The following PRKCQ variants were observed in gnomAD, a reference collection of about 807,000 sequenced individuals.
PRKCQ encodes protein kinase C theta.
Under a neutral mutation model 91.2 loss-of-function variants are expected in PRKCQ, and 41 were observed. The observed-to-expected ratio is 0.45, with a 90% CI of 0.35 to 0.58. The LOEUF (loss-of-function observed/expected upper bound fraction) is 0.58. Ranked by LOEUF, PRKCQ falls within the 20% of genes least tolerant of loss-of-function variation. The pLI, the probability that PRKCQ is intolerant of heterozygous loss-of-function variation, is 0.00. For synonymous variants in PRKCQ, 307 were observed against 316.9 expected (o/e 0.97, Z 0.33); for missense variants, 673 against 896.5 (o/e 0.75, Z 3.18).
chr10:6,537,029 G>A (rs1839608784), intron 1 of PRKCQ, among the ~76,000 whole-genome samples: 1 of 152,178 alleles, frequency 6.6e-6, no homozygotes. Context: ...GCTGACGATG[G>A]AACAATTTGA....
At position 6,497,847 on chromosome 10, in the gene PRKCQ, A is replaced by T. The variant is rs546874063; in HGVS notation, c.542+549T>A. Among the ~76,000 whole-genome samples, 4 of 152,362 alleles carry T rather than the reference A, an allele frequency of 2.6e-5. No homozygotes were observed. In the East Asian group the frequency reaches 7.7e-4, roughly 29 times the overall value. On this transcript the variant is annotated intron_variant, in intron 5 of 17. Coordinates refer to ENST00000263125, the MANE Select transcript of PRKCQ (RefSeq NM_006257.5). This position sits in a 1 kb window ranked among gnomAD's most constrained non-coding sequence, Gnocchi z 4.5. Reference sequence around the variant, plus strand: ...TCTGCAGTAGCCTAAAGGGAAGAGTATCCCTTAATAGGCTAGGATGCTGAG... The same window carrying T: ...TCTGCAGTAGCCTAAAGGGAAGAGTTTCCCTTAATAGGCTAGGATGCTGAG...
In PRKCQ at chr10:6,518,210, A is replaced by G. The variant is rs201304744; in HGVS notation, c.-9-3066T>C. 2.0e-4 allele frequency among the ~76,000 whole-genome samples: 31 copies of G among 152,342 alleles called. No homozygotes were observed. The East Asian group carries it at 4.4e-3, about 22-fold the overall frequency. The stretch of plus-strand genomic sequence containing the variant: ...ATTCAAAAACCAAAAGAAAAGAAAT[A>G]TATGCAATTGGTATTTTAAGGCATG... On this transcript the variant is annotated intron_variant, in intron 1 of 17. Transcript: ENST00000263125.
intron 12 of PRKCQ, among the ~76,000 whole-genome samples, chr10:6,474,207 T>C (rs1367660349): frequency 6.6e-6 from 1 of 152,198 alleles, no homozygotes; most frequent in Non-Finnish European, 1.5e-5. Context: ...TCAAGGGCAG[T>C]GATGTGAATC....
At chr10:6,394,592 G>A in the PRKCQ span, among the ~76,000 whole-genome samples, 3 of 152,178 alleles carry the variant, frequency 2.0e-5, no homozygotes, top group East Asian at 1.9e-4. Context: ...CAGGGGCACC[G>A]GCTTTCTCAG....
chr10:6,485,877 G>A (rs1430083628), intron 9 of PRKCQ, among the ~76,000 whole-genome samples, 158 bp downstream of exon 9: 1 of 152,190 alleles, frequency 6.6e-6, no homozygotes, highest in Non-Finnish European at 1.5e-5. Context: ...TCAAAGATAG[G>A]GGGTGTGGGC....
chr10:6,524,740 G>A (rs1839135243), intron 1 of PRKCQ, among the ~76,000 whole-genome samples: 2 of 152,230 alleles, frequency 1.3e-5, no homozygotes, highest in Admixed American at 1.3e-4. Flanking sequence ...GAAGAAGGGA[G>A]AAAAGTGGGT....
At chr10:6,443,995 G>A (rs1834104598) in intron 15 of PRKCQ, among the ~76,000 whole-genome samples, 1 of 152,132 alleles carries the variant, frequency 6.6e-6, no homozygotes, top group Non-Finnish European at 1.5e-5. Context: ...GGTATTTAAT[G>A]GGGACAGAGT....
intron 4 of PRKCQ, among the ~76,000 whole-genome samples, chr10:6,503,050 T>A (rs1838004985): frequency 6.6e-6 from 1 of 151,958 alleles, no homozygotes; most frequent in South Asian, 2.1e-4. Flanking sequence ...CCGGGGAGAA[T>A]GAGAGGGGAG....
At chr10:6,444,997 G>A (rs1030954706) in intron 15 of PRKCQ, among the ~76,000 whole-genome samples, 3 of 151,994 alleles carry the variant, frequency 2.0e-5, no homozygotes, top group South Asian at 2.1e-4. Context: ...GGTGGCGCAC[G>A]CCTGTAATCC....
At chr10:6,508,246 AATCT>A (rs1838298093) in intron 3 of PRKCQ, among the ~76,000 whole-genome samples, 1 of 152,154 alleles carries the variant, frequency 6.6e-6, no homozygotes, top group African/African-American at 2.4e-5. Flanking sequence ...CGCTGTTGTT[AATCT>A]ATTAAACCAT....
chr10:6,536,335 T>C (rs1440770937), intron 1 of PRKCQ, among the ~76,000 whole-genome samples: 3 of 152,172 alleles, frequency 2.0e-5, no homozygotes, highest in Non-Finnish European at 4.4e-5. Flanking sequence ...GGCAGTGACC[T>C]TGGCGATGAC....
chr10:6,404,250 G>T, the PRKCQ span, among the ~76,000 whole-genome samples: 3 of 90,680 alleles, frequency 3.3e-5, no homozygotes, highest in African/African-American at 8.9e-5. Flanking sequence ...GGAGAGAAGG[G>T]GGGGGGAGAG....
rs777027533 is a variant in PRKCQ at position 6,430,429 on chromosome 10, G to C, written c.1965+381C>G. Among the ~76,000 whole-genome samples the C allele has an allele frequency of 3.3e-5, 5 of 152,146 alleles. No individual in the cohort carries two copies. The highest frequency in any genetic ancestry group is 6.5e-5 in the Admixed American group (1 of 15,284). Reference sequence around the variant, plus strand: ...AAACAGCTCCAAAATTCCTGACGTAGGATGCAGGGTTTATGTCCAAGTTTG... The same window carrying C: ...AAACAGCTCCAAAATTCCTGACGTACGATGCAGGGTTTATGTCCAAGTTTG... On this transcript the variant is annotated intron_variant, in intron 17 of 17. Transcript: ENST00000263125. The surrounding 1 kb of genome is among the most constrained non-coding windows in gnomAD (Gnocchi z 4.7).
At chr10:6,405,006 C>T in the PRKCQ span, among the ~76,000 whole-genome samples, 1 of 150,222 alleles carries the variant, frequency 6.7e-6, no homozygotes, top group Non-Finnish European at 1.5e-5. Context: ...TTCCTTCTGA[C>T]ATGGGGTCTC....
chr10:6,483,571 A>G lies in PRKCQ; in HGVS notation c.1048T>C (p.Leu350=), dbSNP rs1016766289. ...TGGCACATTTTATCCACCTCATCCA[A>G]CGGAGACTCCCAGGAAATGCCCTGA... is the stretch of plus-strand genomic sequence containing the variant. ...EPQGISWESP[L]DEVDKMCHLP... is the part of the protein sequence containing the mutation. Residue 350 remains leucine (L), a synonymous_variant, in exon 11 of 18, where the codon TTG becomes CTG. Transcript: ENST00000263125. The G allele has an allele frequency of 5.0e-6, 8 of 1,614,074 alleles. No individual in the cohort carries two copies. The highest frequency in any genetic ancestry group is 4.0e-5 in the African/African-American group (3 of 74,926).
intron 1 of PRKCQ, among the ~76,000 whole-genome samples, chr10:6,549,514 A>G (rs997966363): frequency 4.6e-5 from 7 of 152,148 alleles, no homozygotes; most frequent in African/African-American, 1.4e-4. Flanking sequence ...CATAGCGATT[A>G]CTAGGTTGGT....
intron 1 of PRKCQ, among the ~76,000 whole-genome samples, chr10:6,573,739 C>T (rs547490118): frequency 3.2e-4 from 49 of 152,192 alleles, no homozygotes; most frequent in African/African-American, 1.1e-3. Context: ...AACACTTAGC[C>T]GCAGTCCTTT....
At chr10:6,571,620 A>G (rs1013217544) in intron 1 of PRKCQ, among the ~76,000 whole-genome samples, 1 of 152,234 alleles carries the variant, frequency 6.6e-6, no homozygotes, top group African/African-American at 2.4e-5. Context: ...AGCCTGGCCA[A>G]CATGGTGAAA....
intron 15 of PRKCQ, among the ~76,000 whole-genome samples, chr10:6,451,401 C>T (rs1834667932): frequency 6.6e-6 from 1 of 152,104 alleles, no homozygotes; most frequent in Admixed American, 6.6e-5. Flanking sequence ...TCTGAATAGA[C>T]CAATAACAGG....
Sources: gnomAD v4.1 joint callset for allele counts (sites outside exome capture counted in the v4.1 genomes callset) on GRCh38, gnomAD v4.1.1 for gene constraint, Gnocchi (gnomAD v3.1) non-coding constraint, MANE v1.5 for transcripts, NCBI Gene and HGNC (gene_info 2026-07-23, HGNC 2026-07-21) for gene names.